Variants in ATP8A1 observed in about 807,000 individuals in gnomAD.
ATP8A1 encodes the protein phospholipid-transporting ATPase IA.
ATP8A1 carries 90 observed loss-of-function variants against 177.7 expected under a neutral mutation model. The ratio of observed to expected loss-of-function variants is 0.51; its 90% CI spans 0.43 to 0.60. The LOEUF is 0.60. Among genes scored for constraint, ATP8A1 ranks in the 20% least tolerant of loss-of-function variants. The probability of loss-of-function intolerance (pLI) is 0.00; values close to 1 mark genes in which losing one functional copy is unlikely to be tolerated. For missense variants in ATP8A1, 1,072 were observed against 1,392.8 expected, an observed-to-expected ratio of 0.77 and a Z score of 3.67; for synonymous variants, 493 against 485.9, an observed-to-expected ratio of 1.01 and a Z score of -0.19.
chr4:42,656,607 C>G (rs535361912), intron 1 of ATP8A1, among the ~76,000 whole-genome samples: 1 of 152,194 alleles, frequency 6.6e-6, no homozygotes, highest in East Asian at 1.9e-4. Context: ...TCGGGGCTCC[C>G]GCGGAGAACA....
intron 25 of ATP8A1, 148 bp from the exon 26 acceptor site, chr4:42,465,224 A>T (rs527619970): frequency 4.0e-5 from 29 of 719,954 alleles, no homozygotes; most frequent in Non-Finnish European, 6.3e-5. Flanking sequence ...GCAAATGTTT[A>T]CTCATCTGTT....
intron 33 of ATP8A1, among the ~76,000 whole-genome samples, chr4:42,442,598 C>G (rs1716752450): frequency 6.6e-6 from 1 of 152,212 alleles, no homozygotes; most frequent in Non-Finnish European, 1.5e-5. Flanking sequence ...TATAATGCCT[C>G]TCTCTAATAA....
At chr4:42,580,665 A>G (rs867694068) in intron 10 of ATP8A1, among the ~76,000 whole-genome samples, 24 of 152,240 alleles carry the variant, frequency 1.6e-4, no homozygotes, top group African/African-American at 4.6e-4. Context: ...ACTAACAGCA[A>G]TCTCGCTTGC....
chr4:42,569,153 G>T lies in ATP8A1; in HGVS notation c.1340+8C>A, dbSNP rs1307444078. On this transcript the variant is annotated splice_region_variant and intron_variant, in intron 15 of 36. Coordinates refer to ENST00000381668, the MANE Select transcript of ATP8A1 (RefSeq NM_006095.2). ...GATCAATGAGGCAGAAAGTTCCATA[G>T]AGCTTACCATTCATCAGGAGAGCAG... is the stretch of plus-strand genomic sequence containing the variant. 1.1e-5 allele frequency: 17 copies of T among 1,597,960 alleles called. No homozygotes were observed. Among genetic ancestry groups the T allele is most frequent in the Non-Finnish European group, 1.5e-5 (17 of 1,171,760 alleles).
chr4:42,509,504 C>A (rs906960324), intron 22 of ATP8A1, among the ~76,000 whole-genome samples: 1 of 152,198 alleles, frequency 6.6e-6, no homozygotes, highest in African/African-American at 2.4e-5. Flanking sequence ...TAGATACACA[C>A]ACATGTCCCC....
intron 20 of ATP8A1, among the ~76,000 whole-genome samples, chr4:42,529,394 C>CAAGTCACGATGCGACCTG (rs1304198251): frequency 6.6e-6 from 1 of 152,202 alleles, no homozygotes; most frequent in Non-Finnish European, 1.5e-5. Flanking sequence ...CATGGGTCAT[C>CAAGTCACGATGCGACCTG]AAGTCACGAT....
chr4:42,455,471 CT>C lies in ATP8A1; in HGVS notation c.2694+53del, dbSNP rs1718380222. ...TCAAGCAGCCAAATGCAGGGTGAAC[CT>C]TTATCTCCCAAGTATTCAATGAAAC... On this transcript the variant is annotated intron_variant, in intron 28 of 36. Transcript: ENST00000381668. The C allele has an allele frequency of 2.5e-6, 4 of 1,613,438 alleles. No individual in the cohort carries two copies. The South Asian group carries it at 4.4e-5, about 18-fold the overall frequency.
chr4:42,520,788 G>C (rs1726042078), intron 22 of ATP8A1, among the ~76,000 whole-genome samples: 2 of 152,056 alleles, frequency 1.3e-5, no homozygotes, highest in South Asian at 4.1e-4. Context: ...TATATATACA[G>C]GTATGATATA....
chr4:42,644,658 C>T (rs1326246191), intron 1 of ATP8A1, among the ~76,000 whole-genome samples: 1 of 151,960 alleles, frequency 6.6e-6, no homozygotes, highest in Admixed American at 6.5e-5. Context: ...AATCTTCCCA[C>T]CCGGCAGTGG....
chr4:42,645,530 C>G (rs1192839195), intron 1 of ATP8A1, among the ~76,000 whole-genome samples: 1 of 152,202 alleles, frequency 6.6e-6, no homozygotes, highest in African/African-American at 2.4e-5. Flanking sequence ...CCCTATAGAA[C>G]AGACCAACTG....
At chr4:42,566,270 C>T (rs4607261) in intron 15 of ATP8A1, among the ~76,000 whole-genome samples, 26,122 of 152,138 alleles carry the variant, frequency 0.17, 2,446 homozygotes, top group East Asian at 0.24. Context: ...GTAAAATACA[C>T]ATAAGCTCAT....
At chr4:42,620,473 T>G (rs17448270) in intron 4 of ATP8A1, among the ~76,000 whole-genome samples, 34,392 of 152,248 alleles carry the variant, frequency 0.23, 4,347 homozygotes, top group Non-Finnish European at 0.29. Context: ...GGATACAATT[T>G]TATTTGCCAC....
At position 42,522,317 on chromosome 4, in the gene ATP8A1, CA is replaced by C; in HGVS notation, c.1808-19del. On this transcript the variant is annotated intron_variant, in intron 21 of 36. Coordinates refer to ENST00000381668, the MANE Select transcript of ATP8A1 (RefSeq NM_006095.2). The stretch of plus-strand genomic sequence containing the variant: ...TCTTAACCCTGAAAAAGATAGCATA[CA>C]TCACCCCAACACACCAAAGATTTTC... The C allele has an allele frequency of 6.2e-7, 1 of 1,611,594 alleles. No individual in the cohort carries two copies. The highest frequency in any genetic ancestry group is 8.5e-7 in the Non-Finnish European group (1 of 1,179,450).
chr4:42,421,354 G>A (rs1390351986), intron 35 of ATP8A1, among the ~76,000 whole-genome samples: 2 of 152,126 alleles, frequency 1.3e-5, no homozygotes, highest in African/African-American at 4.8e-5. Flanking sequence ...AGCAAAAGGA[G>A]GCAGAATTGT....
At chr4:42,556,670 T>C (rs1031392948) in intron 15 of ATP8A1, among the ~76,000 whole-genome samples, 1 of 152,148 alleles carries the variant, frequency 6.6e-6, no homozygotes, top group African/African-American at 2.4e-5. Context: ...TCATACGATA[T>C]AAATGGAGTC....
chr4:42,470,689 A>G (rs1459057658), intron 25 of ATP8A1, among the ~76,000 whole-genome samples: 1 of 152,204 alleles, frequency 6.6e-6, no homozygotes, highest in East Asian at 1.9e-4. Flanking sequence ...GTAAATCTAG[A>G]AAACTTTTTA....
At chr4:42,493,062 CAG>C (rs1377369814) in intron 24 of ATP8A1, among the ~76,000 whole-genome samples, 1 of 152,178 alleles carries the variant, frequency 6.6e-6, no homozygotes, top group Non-Finnish European at 1.5e-5. Context: ...TGCGAATTAC[CAG>C]AGTGTAGAGA....
chr4:42,502,701 C>T (rs1438995010), intron 24 of ATP8A1, among the ~76,000 whole-genome samples: 1 of 152,166 alleles, frequency 6.6e-6, no homozygotes, highest in East Asian at 1.9e-4. Context: ...CTTCACCATC[C>T]CTTCCACGCA....
intron 25 of ATP8A1, among the ~76,000 whole-genome samples, chr4:42,483,744 T>C (rs780828945): frequency 2.0e-5 from 3 of 152,238 alleles, no homozygotes; most frequent in Non-Finnish European, 4.4e-5. Context: ...AGGTACTGTG[T>C]TAAGCAATGC....
Sources: gnomAD v4.1 joint callset for allele counts (sites outside exome capture counted in the v4.1 genomes callset) on GRCh38, gnomAD v4.1.1 for gene constraint, MANE v1.5 for transcripts, NCBI Gene and HGNC (gene_info 2026-07-23, HGNC 2026-07-21) for gene names.